The following LRRTM3 variants were observed in gnomAD, a reference collection of about 807,000 sequenced individuals.
The protein encoded by LRRTM3 is leucine-rich repeat transmembrane neuronal protein 3.
A neutral mutation model predicts 44.7 loss-of-function variants in LRRTM3; 24 were observed. The ratio of observed to expected loss-of-function variants is 0.54; its 90% CI spans 0.39 to 0.76. The LOEUF is 0.76. Among genes scored for constraint, LRRTM3 ranks in the 30% least tolerant of loss-of-function variants. The pLI, the probability that LRRTM3 is intolerant of heterozygous loss-of-function variation, is 0.00. For synonymous variants in LRRTM3, 277 were observed against 278.7 expected (o/e 0.99, Z 0.06); for missense variants, 587 against 702.2 (o/e 0.84, Z 1.85).
intron 2 of LRRTM3, among the ~76,000 whole-genome samples, chr10:67,052,260 A>C (rs1855146216): frequency 6.6e-6 from 1 of 151,368 alleles, no homozygotes; most frequent in African/African-American, 2.4e-5. Context: ...CTTCCTACTC[A>C]GTACAGATGA....
intron 2 of LRRTM3, among the ~76,000 whole-genome samples, chr10:67,042,700 AAG>A (rs1854479362): frequency 6.6e-6 from 1 of 152,116 alleles, no homozygotes; most frequent in Non-Finnish European, 1.5e-5. Flanking sequence ...GAGGAAAAAA[AAG>A]AGGTGGTCAG....
At chr10:67,016,739 C>T (rs906121438) in intron 2 of LRRTM3, among the ~76,000 whole-genome samples, 2 of 152,068 alleles carry the variant, frequency 1.3e-5, no homozygotes, top group African/African-American at 2.4e-5. Context: ...ATATGGACTT[C>T]GTAATTTGTA....
chr10:67,007,770 A>T (rs903110875), intron 2 of LRRTM3, among the ~76,000 whole-genome samples: 1 of 151,574 alleles, frequency 6.6e-6, no homozygotes, highest in African/African-American at 2.4e-5. Context: ...AGTATTTTTA[A>T]AAAAAAAGTT....
intron 2 of LRRTM3, among the ~76,000 whole-genome samples, chr10:66,936,047 A>T (rs1435671895): frequency 6.6e-6 from 1 of 151,846 alleles, no homozygotes; most frequent in Non-Finnish European, 1.5e-5. Context: ...TGTGGCACCC[A>T]CTCCAGCCTA....
intron 2 of LRRTM3, among the ~76,000 whole-genome samples, chr10:67,048,155 T>C (rs1854865126): frequency 6.6e-6 from 1 of 152,124 alleles, no homozygotes; most frequent in Non-Finnish European, 1.5e-5. Context: ...CTACCTCTGT[T>C]CATCCCCTGC....
At chr10:66,968,640 G>C (rs1269587706) in intron 2 of LRRTM3, among the ~76,000 whole-genome samples, 2 of 152,034 alleles carry the variant, frequency 1.3e-5, no homozygotes, top group Non-Finnish European at 2.9e-5. Flanking sequence ...TTCATTAAAA[G>C]AAGAATAAAT....
chr10:66,926,049 G>A lies in LRRTM3; in HGVS notation c.-535G>A. ...TGAAACCAAAGCAACAGTCCGAGCA[G>A]CTTTCAGAATGACAGTCTGCAGAAG... is the stretch of plus-strand genomic sequence containing the variant. On this transcript the variant is annotated 5_prime_UTR_variant, in exon 1 of 3. Transcript: ENST00000361320. 2.2e-6 allele frequency: 1 copy of A among 457,104 alleles called. No individual in the cohort carries two copies. Among genetic ancestry groups the A allele is most frequent in the Non-Finnish European group, 4.4e-6 (1 of 227,244 alleles). The allele number at this position is 457,104 out of a possible 1,614,324, so 28.3% of individuals were successfully genotyped here. A position where few individuals can be genotyped will look rare whatever the true frequency, so the allele number is the denominator to read the frequency against.
chr10:66,963,179 A>G (rs762992494), intron 2 of LRRTM3, among the ~76,000 whole-genome samples: 4 of 152,214 alleles, frequency 2.6e-5, no homozygotes, highest in Non-Finnish European at 5.9e-5. Context: ...TACTGTAAAA[A>G]CTAACTAGTG....
intron 2 of LRRTM3, among the ~76,000 whole-genome samples, chr10:66,941,736 C>T (rs915596804): frequency 7.9e-5 from 12 of 152,136 alleles, no homozygotes; most frequent in African/African-American, 2.4e-4. Context: ...ATTCAAGCCG[C>T]GTGAGCTGAG....
rs965324099 is a variant in LRRTM3 at position 67,101,456 on chromosome 10, T to C, written c.*3660T>C. Among the ~76,000 whole-genome samples the C allele has an allele frequency of 5.3e-5, 8 of 151,360 alleles. No individual in the cohort carries two copies. The highest frequency in any genetic ancestry group is 1.2e-4 in the African/African-American group (5 of 41,364). ...TAATAGAGAACAATTTTCTCCATTT[T>C]CTTATAAGAAAAATAAAATATAATT... is the stretch of plus-strand genomic sequence containing the variant. On this transcript the variant is annotated 3_prime_UTR_variant, in exon 3 of 3. Transcript: ENST00000361320.
At chr10:66,999,908 A>C (rs1469850942) in intron 2 of LRRTM3, among the ~76,000 whole-genome samples, 1 of 152,204 alleles carries the variant, frequency 6.6e-6, no homozygotes, top group Non-Finnish European at 1.5e-5. Context: ...ATTGAAGGTC[A>C]TCTGATTTGT....
intron 2 of LRRTM3, among the ~76,000 whole-genome samples, chr10:67,005,019 T>C (rs759577845): frequency 2.1e-4 from 32 of 151,760 alleles, no homozygotes; most frequent in Non-Finnish European, 4.0e-4. Flanking sequence ...GGTAGTTTCA[T>C]AGAGATAATC....
rs138788899 is a variant in LRRTM3, at chr10:67,030,991, C to T, written c.1537-66596C>T. ...TGCACTCCAGCCTGGGCAACAAGAG[C>T]GAAACTCCGTCTCAAAAAAATAAAT... On this transcript the variant is annotated intron_variant, in intron 2 of 2. Transcript: ENST00000361320. Among the ~76,000 whole-genome samples, 874 of 151,972 alleles carry T rather than the reference C, an allele frequency of 5.8e-3. 7 individuals carry two copies. The highest frequency in any genetic ancestry group is 9.8e-3 in the Non-Finnish European group (669 of 67,974).
At chr10:67,051,415 G>A (rs1855085979) in intron 2 of LRRTM3, among the ~76,000 whole-genome samples, 1 of 151,948 alleles carries the variant, frequency 6.6e-6, no homozygotes, top group African/African-American at 2.4e-5. Context: ...AATAAGCCAA[G>A]AAATGCTATC....
chr10:67,075,313 A>G lies in LRRTM3; in HGVS notation c.1537-22274A>G, dbSNP rs143151365. Among the ~76,000 whole-genome samples, 286 of 152,298 alleles carry G rather than the reference A, an allele frequency of 1.9e-3. 1 individual carries two copies. The highest frequency in any genetic ancestry group is 6.4e-3 in the African/African-American group (268 of 41,578). On this transcript the variant is annotated intron_variant, in intron 2 of 2. Transcript: ENST00000361320. ...TCCATAAGTAGGTAAAGCAATGGTT[A>G]CATTTAAAACTGTATTAACAAGAAC...
intron 2 of LRRTM3, among the ~76,000 whole-genome samples, chr10:67,007,821 A>G (rs542707711): frequency 5.3e-5 from 8 of 152,208 alleles, no homozygotes; most frequent in African/African-American, 1.7e-4. Context: ...ACATAACATA[A>G]AAACCATTCA....
intron 2 of LRRTM3, among the ~76,000 whole-genome samples, chr10:67,071,384 A>G (rs1253123492): frequency 2.8e-5 from 4 of 144,024 alleles, no homozygotes; most frequent in East Asian, 2.0e-4. Flanking sequence ...CAATAGATAT[A>G]TTTGTATTAG....
rs192193040 is a variant in LRRTM3 at position 67,052,370 on chromosome 10, C to T, written c.1537-45217C>T. Among the ~76,000 whole-genome samples, 145 of 148,196 alleles carry T rather than the reference C, an allele frequency of 9.8e-4. 2 individuals are homozygous for T. Among genetic ancestry groups the T allele is most frequent in the South Asian group, 3.0e-3 (14 of 4,654 alleles). ...TCTCTCTCTCATTAAAAGCACTAAG[C>T]GGCCAATGCCTTACTGTCTATTCCA... is the stretch of plus-strand genomic sequence containing the variant. On this transcript the variant is annotated intron_variant, in intron 2 of 2. Transcript: ENST00000361320.
intron 2 of LRRTM3, among the ~76,000 whole-genome samples, chr10:67,039,624 G>A (rs1285124916): frequency 6.6e-6 from 1 of 152,024 alleles, no homozygotes; most frequent in Non-Finnish European, 1.5e-5. Flanking sequence ...GAGGTTAGAG[G>A]TGAAAATTAG....
Sources: allele counts gnomAD v4.1 joint callset (sites outside exome capture counted in the v4.1 genomes callset), GRCh38; gene constraint gnomAD v4.1.1; transcripts MANE v1.5; gene names NCBI Gene and HGNC (gene_info 2026-07-23, HGNC 2026-07-21).